The following PANK4 variants were observed in gnomAD, a reference collection of about 807,000 sequenced individuals.
PANK4 encodes 4'-phosphopantetheine phosphatase.
In PANK4, 40 loss-of-function variants were observed where a neutral mutation model predicts 87.9. That is an observed-to-expected ratio of 0.46 (90% CI 0.35 to 0.59). PANK4 has a LOEUF of 0.59. Among genes scored for constraint, PANK4 ranks in the 20% least tolerant of loss-of-function variants. The pLI, the probability that PANK4 is intolerant of heterozygous loss-of-function variation, is 0.00. For synonymous variants in PANK4, 524 were observed against 467.4 expected, an observed-to-expected ratio of 1.12 and a Z score of -1.56; for missense variants, 926 against 1,072.3, an observed-to-expected ratio of 0.86 and a Z score of 1.90.
In PANK4 at chr1:2,510,837, G is replaced by C. The variant is rs759906114; in HGVS notation, c.1834-55C>G. On this transcript the variant is annotated intron_variant, in intron 15 of 18. Coordinates refer to ENST00000378466, the MANE Select transcript of PANK4 (RefSeq NM_018216.4). The surrounding 1 kb of genome is among the most constrained non-coding windows in gnomAD (Gnocchi z 4.9). Reference sequence around the variant, plus strand: ...GGAACAGGCGCATCCAAGCGAGTCAGTCCGCACCCCTGCTGCCCGTCACGC... The same window carrying C: ...GGAACAGGCGCATCCAAGCGAGTCACTCCGCACCCCTGCTGCCCGTCACGC... 2.7e-5 allele frequency: 28 copies of C among 1,025,450 alleles called. No homozygotes were observed. Among genetic ancestry groups the C allele is most frequent in the Non-Finnish European group, 4.3e-5 (28 of 645,348 alleles). 63.5% of individuals were successfully genotyped at this position (1,025,450 alleles called of 1,614,324 possible).
rs1420986654 is a variant in PANK4, at chr1:2,515,739, G to A, written c.1219-22C>T. On this transcript the variant is annotated intron_variant, in intron 9 of 18. Coordinates refer to ENST00000378466, the MANE Select transcript of PANK4 (RefSeq NM_018216.4). The surrounding 1 kb of genome is among the most constrained non-coding windows in gnomAD (Gnocchi z 5.0). Reference sequence around the variant, plus strand: ...CAAACTGGAAGACAGGCAGTGGCAGGGTGGAAACGTCACCATGGTTCAGAA... The same window carrying A: ...CAAACTGGAAGACAGGCAGTGGCAGAGTGGAAACGTCACCATGGTTCAGAA... The A allele has an allele frequency of 4.3e-6, 7 of 1,610,042 alleles. No individual in the cohort carries two copies. The highest frequency in any genetic ancestry group is 1.7e-5 in the Admixed American group (1 of 59,792).
rs963600145 is a variant in PANK4 at position 2,519,377 on chromosome 1, A to G, written c.854-53T>C. ...TCTCCAAGTACAGCAAGTGCACGAC[A>G]TGAGAGCGAGCAGGAGGGGAGGGGG... is the stretch of plus-strand genomic sequence containing the variant. On this transcript the variant is annotated intron_variant, in intron 6 of 18. Transcript: ENST00000378466. The surrounding 1 kb of genome is among the most constrained non-coding windows in gnomAD (Gnocchi z 8.3). 9.2e-7 allele frequency: 1 copy of G among 1,088,962 alleles called. No individual in the cohort carries two copies. Among genetic ancestry groups the G allele is most frequent in the Non-Finnish European group, 1.3e-6 (1 of 799,942 alleles). 67.5% of individuals were successfully genotyped at this position (1,088,962 alleles called of 1,614,324 possible). A position where few individuals can be genotyped will look rare whatever the true frequency, so the allele number is the denominator to read the frequency against.
chr1:2,520,608 C>A lies in PANK4; in HGVS notation c.606+115G>T, dbSNP rs370791110. 1.3e-5 allele frequency: 15 copies of A among 1,151,660 alleles called. No homozygotes were observed. The highest frequency in any genetic ancestry group is 1.8e-5 in the Non-Finnish European group (14 of 789,896). The allele number at this position is 1,151,660 out of a possible 1,614,324, so 71.3% of individuals were successfully genotyped here. ...CTCTGAGCTCACAGCCTCGCCACCCCCCTCCCGCCCACTGGGCCCCATCCA... is the reference window on the plus strand; with the variant it reads ...CTCTGAGCTCACAGCCTCGCCACCCACCTCCCGCCCACTGGGCCCCATCCA... On this transcript the variant is annotated intron_variant, in intron 4 of 18. Coordinates refer to ENST00000378466, the MANE Select transcript of PANK4 (RefSeq NM_018216.4). The surrounding 1 kb of genome is among the most constrained non-coding windows in gnomAD (Gnocchi z 6.2).
At chr1:2,518,354 A>G in intron 8 of PANK4, 90 bp from the exon 9 acceptor site, 1 of 1,023,836 alleles carries the variant, frequency 9.8e-7, no homozygotes, top group Non-Finnish European at 1.5e-6. Context: ...AAAATCGCTT[A>G]TTAACTAAAT....
intron 9 of PANK4, among the ~76,000 whole-genome samples, chr1:2,517,010 G>A (rs546877121): frequency 5.3e-5 from 8 of 152,328 alleles, no homozygotes; most frequent in Middle Eastern, 3.4e-3. Context: ...CCTCCTGAAC[G>A]GGGCCCCCGA....
At chr1:2,517,629 G>T (rs1412725151) in intron 9 of PANK4, among the ~76,000 whole-genome samples, 1 of 152,224 alleles carries the variant, frequency 6.6e-6, no homozygotes, top group Non-Finnish European at 1.5e-5. Context: ...CGGCAGACAT[G>T]GGGTGCGTCT....
At position 2,508,709 on chromosome 1, in the gene PANK4, G is replaced by C. The variant is rs904448647; in HGVS notation, c.*138C>G. The C allele has an allele frequency of 3.2e-6, 2 of 617,134 alleles. No individual in the cohort carries two copies. The highest frequency in any genetic ancestry group is 2.0e-5 in the South Asian group (1 of 50,056). The allele number at this position is 617,134 out of a possible 1,614,324, so 38.2% of individuals were successfully genotyped here. A position where few individuals can be genotyped will look rare whatever the true frequency, so the allele number is the denominator to read the frequency against. ...GCTGCGTCTCGCCTCTGGGTCACACGCATCTGTGCGGCTGGGGTGTATGTG... is the reference window on the plus strand; with the variant it reads ...GCTGCGTCTCGCCTCTGGGTCACACCCATCTGTGCGGCTGGGGTGTATGTG... On this transcript the variant is annotated 3_prime_UTR_variant, in exon 19 of 19. Coordinates refer to ENST00000378466, the MANE Select transcript of PANK4 (RefSeq NM_018216.4). The surrounding 1 kb of genome is among the most constrained non-coding windows in gnomAD (Gnocchi z 5.1).
chr1:2,523,180 T>A (rs887437812), intron 1 of PANK4, among the ~76,000 whole-genome samples: 1 of 152,184 alleles, frequency 6.6e-6, no homozygotes, highest in African/African-American at 2.4e-5. Context: ...GCCAATGCTG[T>A]TCATGTAGCA....
Position 2,520,976 on chromosome 1 carries a change from G to T in PANK4, c.423-70C>A. On this transcript the variant is annotated intron_variant, in intron 3 of 18. Transcript: ENST00000378466. This position sits in a 1 kb window ranked among gnomAD's most constrained non-coding sequence, Gnocchi z 6.2. Reference sequence around the variant, plus strand: ...AGGTGCAACCATGCAAGCCTGCCTGGTCCGAAGGGGCAGCCATGCCCCATG... The same window carrying T: ...AGGTGCAACCATGCAAGCCTGCCTGTTCCGAAGGGGCAGCCATGCCCCATG... The T allele has an allele frequency of 6.6e-7, 1 of 1,526,422 alleles. No homozygotes were observed. Among genetic ancestry groups the T allele is most frequent in the Non-Finnish European group, 8.9e-7 (1 of 1,123,904 alleles). The allele number at this position is 1,526,422 out of a possible 1,614,324, so 94.6% of individuals were successfully genotyped here.
At chr1:2,514,997 A>G (rs984164092) in intron 10 of PANK4, among the ~76,000 whole-genome samples, 1 of 152,126 alleles carries the variant, frequency 6.6e-6, no homozygotes, top group Non-Finnish European at 1.5e-5. Flanking sequence ...CTCCTCCCTC[A>G]GGACAAACCC....
chr1:2,520,061 T>TGGTCCCACGCGATGA lies in PANK4; in HGVS notation c.700-108_700-107insTCATCGCGTGGGACC. 9.1e-7 allele frequency: 1 copy of TGGTCCCACGCGATGA among 1,101,210 alleles called. No homozygotes were observed. Among genetic ancestry groups the TGGTCCCACGCGATGA allele is most frequent in the Non-Finnish European group, 1.3e-6 (1 of 783,212 alleles). 68.2% of individuals were successfully genotyped at this position (1,101,210 alleles called of 1,614,324 possible). On this transcript the variant is annotated intron_variant, in intron 5 of 18. Transcript: ENST00000378466. The surrounding 1 kb of genome is among the most constrained non-coding windows in gnomAD (Gnocchi z 6.2). ...GAGGCACGCGCGGGCAGGGGGTAAATGGGCCCTCATCGCGTGGGACCAAAG... is the reference window on the plus strand; with the variant it reads ...GAGGCACGCGCGGGCAGGGGGTAAATGGTCCCACGCGATGAGGGCCCTCATCGCGTGGGACCAAAG...
At position 2,526,525 on chromosome 1, in the gene PANK4, C is replaced by T. The variant is rs570974284; in HGVS notation, c.63G>A (p.Thr21=). Residue 21 remains threonine, a synonymous_variant, in exon 1 of 19, where the codon ACG becomes ACA. Transcript: ENST00000378466. ...TGCGGAAGATCTCGTCGGGGGGCAGCGTGATGCTCTTGTCCAGACTGTCCC... is the reference window on the plus strand; with the variant it reads ...TGCGGAAGATCTCGTCGGGGGGCAGTGTGATGCTCTTGTCCAGACTGTCCC... ...SSGDSLDKSI[T]LPPDEIFRNL... The T allele has an allele frequency of 8.8e-6, 14 of 1,589,650 alleles. No individual in the cohort carries two copies. In the South Asian group the frequency reaches 1.4e-4, roughly 15 times the overall value.
In PANK4 at chr1:2,508,616, A is replaced by G; in HGVS notation, c.*231T>C. 4.1e-6 allele frequency: 1 copy of G among 245,168 alleles called. No homozygotes were observed. The highest frequency in any genetic ancestry group is 7.5e-6 in the Non-Finnish European group (1 of 133,998). 15.2% of individuals were successfully genotyped at this position (245,168 alleles called of 1,614,324 possible). On this transcript the variant is annotated 3_prime_UTR_variant, in exon 19 of 19. Transcript: ENST00000378466. The surrounding 1 kb of genome is among the most constrained non-coding windows in gnomAD (Gnocchi z 5.1). ...TACCTGTATAGATCTCTCTATTTAT[A>G]TATATATATATATAAAAGGTTCTTT...
rs760890424 is a variant in PANK4, at chr1:2,509,939, T to C, written c.2040-9A>G. The C allele has an allele frequency of 1.2e-5, 20 of 1,610,558 alleles. No individual in the cohort carries two copies. In the South Asian group the frequency reaches 1.9e-4, roughly 15 times the overall value. ...CTTCCTGGAGCGCAGAGCTGCCAGATACAAGGTGGTCAGTGCCCCCAGGAG... is the reference window on the plus strand; with the variant it reads ...CTTCCTGGAGCGCAGAGCTGCCAGACACAAGGTGGTCAGTGCCCCCAGGAG... On this transcript the variant is annotated splice_polypyrimidine_tract_variant and intron_variant, in intron 17 of 18. Transcript: ENST00000378466. This position sits in a 1 kb window ranked among gnomAD's most constrained non-coding sequence, Gnocchi z 4.9.
chr1:2,515,673 G>C lies in PANK4; in HGVS notation c.1263C>G (p.Asp421Glu). The part of the protein sequence containing the change: ...EMDRLERPLV[D>E]LPLLLDPPSY... ...AGGGCGGGTCCAGGAGGAGCGGCAG[G>C]TCAACCAGTGGCCTCTCCAGCCGGT... is the stretch of plus-strand genomic sequence containing the variant. The change falls in exon 10 of 19, where the codon GAC becomes GAG. Residue 421 changes from aspartate to glutamate, a missense_variant. Coordinates refer to ENST00000378466, the MANE Select transcript of PANK4 (RefSeq NM_018216.4). This position sits in a 1 kb window ranked among gnomAD's most constrained non-coding sequence, Gnocchi z 5.0. 2 of 1,612,634 alleles carry C rather than the reference G, an allele frequency of 1.2e-6. No individual in the cohort carries two copies. The highest frequency in any genetic ancestry group is 1.7e-6 in the Non-Finnish European group (2 of 1,179,866).
chr1:2,508,873 A>C lies in PANK4; in HGVS notation c.2296T>G (p.Phe766Val). Residue 766 changes from phenylalanine (F) to valine (V), a missense_variant, in exon 19 of 19, where the codon TTC becomes GTC. Physicochemically the swap from Phe to Val is conservative, Grantham distance 50. Transcript: ENST00000378466. The surrounding 1 kb of genome is among the most constrained non-coding windows in gnomAD (Gnocchi z 5.1). The part of the protein sequence containing the change: ...RLGGRLFSVI[F>V]KYEVPAE ...CACTCGGCTGGGACCTCGTACTTGA[A>C]GATGACGCTGAAGAGCCGGCCGCCC... The C allele has an allele frequency of 6.2e-7, 1 of 1,603,768 alleles. No individual in the cohort carries two copies. The highest frequency in any genetic ancestry group is 8.5e-7 in the Non-Finnish European group (1 of 1,174,378).
At position 2,515,290 on chromosome 1, in the gene PANK4, T is replaced by G; in HGVS notation, c.1374+272A>C. ...GAGCAGAGACGTCTCCTAAATTGCT[T>G]TTTGAAGGAATGTGCTAGCTAGCAG... On this transcript the variant is annotated intron_variant, in intron 10 of 18. Coordinates refer to ENST00000378466, the MANE Select transcript of PANK4 (RefSeq NM_018216.4). The surrounding 1 kb of genome is among the most constrained non-coding windows in gnomAD (Gnocchi z 5.0). The G allele has an allele frequency of 1.5e-6, 1 of 653,058 alleles. No individual in the cohort carries two copies. The highest frequency in any genetic ancestry group is 2.8e-6 in the Non-Finnish European group (1 of 353,890). The allele number at this position is 653,058 out of a possible 1,614,324, so 40.5% of individuals were successfully genotyped here.
chr1:2,515,694 C>T lies in PANK4; in HGVS notation c.1242G>A (p.Arg414=). The T allele has an allele frequency of 6.2e-7, 1 of 1,612,974 alleles. No individual in the cohort carries two copies. The highest frequency in any genetic ancestry group is 2.2e-5 in the East Asian group (1 of 44,886). ...GCAGGTCAACCAGTGGCCTCTCCAGCCGGTCCATTTCCAGCAAGTCAAACT... is the reference window on the plus strand; with the variant it reads ...GCAGGTCAACCAGTGGCCTCTCCAGTCGGTCCATTTCCAGCAAGTCAAACT... ...SGTFDLLEMD[R]LERPLVDLPL... is the part of the protein sequence containing the mutation. Residue 414 remains arginine (R), a synonymous_variant, in exon 10 of 19, where the codon CGG becomes CGA. Coordinates refer to ENST00000378466, the MANE Select transcript of PANK4 (RefSeq NM_018216.4). This position sits in a 1 kb window ranked among gnomAD's most constrained non-coding sequence, Gnocchi z 5.0.
intron 1 of PANK4, among the ~76,000 whole-genome samples, chr1:2,525,077 C>G (rs1444159259): frequency 6.6e-6 from 1 of 152,184 alleles, no homozygotes; most frequent in Non-Finnish European, 1.5e-5. Flanking sequence ...GAGCCAGGAC[C>G]TATAGCTACT....
Sources: allele counts gnomAD v4.1 joint callset (sites outside exome capture counted in the v4.1 genomes callset), GRCh38; gene constraint gnomAD v4.1.1; non-coding constraint Gnocchi (gnomAD v3.1); transcripts MANE v1.5; gene names NCBI Gene and HGNC (gene_info 2026-07-23, HGNC 2026-07-21).